LRRFIP2: variants seen among roughly 807,000 people sequenced by gnomAD.
LRRFIP2 encodes the protein leucine-rich repeat flightless-interacting protein 2.
LRRFIP2 carries 109 observed loss-of-function variants against 125.9 expected under a neutral mutation model. The ratio of observed to expected loss-of-function variants is 0.87; its 90% CI spans 0.74 to 1.01. The LOEUF (loss-of-function observed/expected upper bound fraction) is 1.01. Ranked by LOEUF, LRRFIP2 falls within the 50% of genes least tolerant of loss-of-function variation. The pLI is 0.00. For missense variants in LRRFIP2, 850 were observed against 862.3 expected (o/e 0.99, Z 0.18); for synonymous variants, 291 against 293.1 (o/e 0.99, Z 0.07).
intron 25 of LRRFIP2, among the ~76,000 whole-genome samples, chr3:37,055,394 T>C (rs1435969630): frequency 1.3e-5 from 2 of 152,062 alleles, no homozygotes; most frequent in African/African-American, 4.8e-5. Context: ...GGTGAAACCC[T>C]GTCTCTACTA....
At chr3:37,080,092 A>G (rs2092494079) in intron 19 of LRRFIP2, among the ~76,000 whole-genome samples, 1 of 152,164 alleles carries the variant, frequency 6.6e-6, no homozygotes, top group Admixed American at 6.5e-5. Flanking sequence ...TATCTCAATA[A>G]AGCTGCTTAA....
At chr3:37,069,326 G>T (rs773895413) in intron 21 of LRRFIP2, among the ~76,000 whole-genome samples, 2 of 152,150 alleles carry the variant, frequency 1.3e-5, no homozygotes, top group Non-Finnish European at 2.9e-5. Context: ...ATGGCCAAAA[G>T]GTAGATGTGT....
intron 21 of LRRFIP2, among the ~76,000 whole-genome samples, chr3:37,071,307 G>A (rs540218106): frequency 2.9e-4 from 44 of 152,248 alleles, no homozygotes; most frequent in Non-Finnish European, 4.9e-4. Context: ...AGCCTCCATC[G>A]TGTGGGCTCC....
In LRRFIP2 at chr3:37,052,648, T is replaced by G. The variant is rs1235589550; in HGVS notation, c.*1203A>C. On this transcript the variant is annotated 3_prime_UTR_variant, in exon 28 of 28. Coordinates refer to ENST00000336686, the MANE Select transcript of LRRFIP2 (RefSeq NM_006309.4). ...AAAAAAGGAACAAATATTAGAGATTTTATTCACTTTTGAGTTACCTTTTTA... is the reference window on the plus strand; with the variant it reads ...AAAAAAGGAACAAATATTAGAGATTGTATTCACTTTTGAGTTACCTTTTTA... 6.6e-6 allele frequency: 1 copy of G among 152,238 alleles called. No homozygotes were observed. The highest frequency in any genetic ancestry group is 2.4e-5 in the African/African-American group (1 of 41,456). 9.4% of individuals were successfully genotyped at this position (152,238 alleles called of 1,614,324 possible).
chr3:37,149,000 T>C lies in LRRFIP2; in HGVS notation c.-17A>G. The C allele has an allele frequency of 6.2e-7, 1 of 1,613,152 alleles. No individual in the cohort carries two copies. On this transcript the variant is annotated 5_prime_UTR_variant, in exon 2 of 28. Coordinates refer to ENST00000336686, the MANE Select transcript of LRRFIP2 (RefSeq NM_006309.4). ...AGTCCCCATCTTGTGTTCTTAATAG[T>C]CTTTTAACTTTGAAAGTGATTTAAC... is the stretch of plus-strand genomic sequence containing the variant.
intron 2 of LRRFIP2, among the ~76,000 whole-genome samples, chr3:37,147,019 G>GAA (rs879085590): frequency 6.9e-6 from 1 of 144,740 alleles, no homozygotes; most frequent in Non-Finnish European, 1.5e-5. Context: ...AAATTTACAA[G>GAA]AAAAAAAAAA....
chr3:37,135,516 T>C (rs1470381288), intron 2 of LRRFIP2, among the ~76,000 whole-genome samples: 1 of 151,972 alleles, frequency 6.6e-6, no homozygotes, highest in African/African-American at 2.4e-5. Context: ...ATGGTTTATG[T>C]ATTTCTACAT....
intron 1 of LRRFIP2, among the ~76,000 whole-genome samples, chr3:37,165,795 GAGAAAGAAAGAAAGAA>G (rs780657651): frequency 1.7e-4 from 3 of 17,998 alleles, no homozygotes; most frequent in East Asian, 1.3e-3. Flanking sequence ...GAGAAAGAAA[GAGAAAGAAAGAAAGAA>G]AGAAAGAAAG....
intron 9 of LRRFIP2, among the ~76,000 whole-genome samples, 200 bp from the exon 10 acceptor site, chr3:37,109,903 A>T (rs2094490580): frequency 6.6e-6 from 1 of 152,240 alleles, no homozygotes; most frequent in Non-Finnish European, 1.5e-5. Flanking sequence ...ATTAATTGTA[A>T]GGGATAAGAA....
chr3:37,134,608 C>G, intron 2 of LRRFIP2: 1 of 562,656 alleles, frequency 1.8e-6, no homozygotes, highest in East Asian at 4.6e-5. Context: ...TTTGGCCAGA[C>G]TTTTGAGCAC....
At chr3:37,059,785 C>CAAA (rs78008596) in intron 24 of LRRFIP2, among the ~76,000 whole-genome samples, 21 of 144,474 alleles carry the variant, frequency 1.5e-4, no homozygotes, top group Admixed American at 9.0e-4. Flanking sequence ...GACTCTGTCT[C>CAAA]AAAAAAAAAA....
At chr3:37,147,738 T>A (rs932252620) in intron 2 of LRRFIP2, among the ~76,000 whole-genome samples, 35 of 152,216 alleles carry the variant, frequency 2.3e-4, no homozygotes, top group Non-Finnish European at 4.0e-4. Flanking sequence ...TTAATGATGC[T>A]CTAAGCAATT....
chr3:37,122,994 T>G (rs144452514), intron 4 of LRRFIP2, among the ~76,000 whole-genome samples: 1 of 152,382 alleles, frequency 6.6e-6, no homozygotes, highest in African/African-American at 2.4e-5. Context: ...ACTGGGTTCA[T>G]AGCTTATCAA....
At position 37,108,696 on chromosome 3, in the gene LRRFIP2, A is replaced by C; in HGVS notation, c.610-12T>G. 1 of 1,602,684 alleles carries C rather than the reference A, an allele frequency of 6.2e-7. No individual in the cohort carries two copies. The highest frequency in any genetic ancestry group is 1.1e-5 in the South Asian group (1 of 90,590). ...TTGTACAATGATGCCTAAGGAACAA[A>C]GGAAATATCACTTAGCTATTTAGCT... On this transcript the variant is annotated splice_polypyrimidine_tract_variant and intron_variant, in intron 11 of 27. Coordinates refer to ENST00000336686, the MANE Select transcript of LRRFIP2 (RefSeq NM_006309.4).
intron 20 of LRRFIP2, 69 bp downstream of exon 20, chr3:37,074,955 C>A: frequency 9.8e-7 from 1 of 1,020,686 alleles, no homozygotes; most frequent in South Asian, 1.3e-5. Flanking sequence ...CCTTCCCTCC[C>A]AACACATCCT....
chr3:37,096,270 A>T (rs2093713602), intron 16 of LRRFIP2, among the ~76,000 whole-genome samples: 1 of 152,172 alleles, frequency 6.6e-6, no homozygotes, highest in Non-Finnish European at 1.5e-5. Flanking sequence ...TATATATATA[A>T]AAGGAAAAAA....
chr3:37,161,011 C>A (rs553569917), intron 1 of LRRFIP2, among the ~76,000 whole-genome samples: 1 of 151,864 alleles, frequency 6.6e-6, no homozygotes, highest in African/African-American at 2.4e-5. Flanking sequence ...TAAGCAAATG[C>A]GGCATATCCA....
chr3:37,136,870 T>G (rs994338615), intron 2 of LRRFIP2, among the ~76,000 whole-genome samples: 1 of 148,434 alleles, frequency 6.7e-6, no homozygotes, highest in South Asian at 2.1e-4. Flanking sequence ...CACCTCACAA[T>G]AGAAAACCCA....
intron 2 of LRRFIP2, among the ~76,000 whole-genome samples, chr3:37,137,535 GAAAT>G (rs1435842644): frequency 7.2e-5 from 11 of 152,098 alleles, no homozygotes; most frequent in African/African-American, 2.7e-4. Context: ...TCTTTTCTAT[GAAAT>G]AATACTATTC....
Sources: gnomAD v4.1 joint callset for allele counts (sites outside exome capture counted in the v4.1 genomes callset) on GRCh38, gnomAD v4.1.1 for gene constraint, MANE v1.5 for transcripts, NCBI Gene and HGNC (gene_info 2026-07-23, HGNC 2026-07-21) for gene names.